CCDC172: variants seen among roughly 807,000 people sequenced by gnomAD.
CCDC172 encodes coiled-coil domain containing 172.
CCDC172 carries 30 observed loss-of-function variants against 38.0 expected under a neutral mutation model. That is an observed-to-expected ratio of 0.79 (90% CI 0.59 to 1.07). The LOEUF (loss-of-function observed/expected upper bound fraction) is 1.07. Ranked by LOEUF, CCDC172 falls within the 50% of genes least tolerant of loss-of-function variation. The probability of loss-of-function intolerance (pLI) is 0.00; values close to 1 mark genes in which losing one functional copy is unlikely to be tolerated. For missense variants in CCDC172, 297 were observed against 290.1 expected, an observed-to-expected ratio of 1.02 and a Z score of -0.17; for synonymous variants, 78 against 88.3, an observed-to-expected ratio of 0.88 and a Z score of 0.66.
chr10:116,363,795 G>A (rs994149000), intron 7 of CCDC172, among the ~76,000 whole-genome samples: 1 of 151,916 alleles, frequency 6.6e-6, no homozygotes, highest in African/African-American at 2.4e-5. Context: ...AAATTAGCTG[G>A]GGGTGGATGC....
chr10:116,364,853 G>C (rs151297160), intron 7 of CCDC172, among the ~76,000 whole-genome samples: 222 of 152,272 alleles, frequency 1.5e-3, no homozygotes, highest in African/African-American at 5.0e-3. Flanking sequence ...GTACAATTCT[G>C]TAGCTAAAAT....
intron 7 of CCDC172, among the ~76,000 whole-genome samples, chr10:116,366,159 A>C (rs1399826356): frequency 6.6e-6 from 1 of 152,180 alleles, no homozygotes. Context: ...ATACTAATAT[A>C]ATGAGCACCT....
At chr10:116,364,400 G>T (rs1845098956) in intron 7 of CCDC172, among the ~76,000 whole-genome samples, 1 of 152,018 alleles carries the variant, frequency 6.6e-6, no homozygotes. Context: ...ATTATTATAA[G>T]CATCTTAAAA....
intron 7 of CCDC172, among the ~76,000 whole-genome samples, chr10:116,369,754 C>G (rs1237643820): frequency 6.6e-6 from 1 of 151,918 alleles, no homozygotes; most frequent in Non-Finnish European, 1.5e-5. Flanking sequence ...AGGGAAAATG[C>G]AAATGTAGTT....
chr10:116,346,465 G>A (rs184293000), intron 5 of CCDC172, among the ~76,000 whole-genome samples: 2 of 152,116 alleles, frequency 1.3e-5, no homozygotes, highest in East Asian at 3.9e-4. Flanking sequence ...TAAAGCCATG[G>A]CAAGCAGATC....
chr10:116,348,249 T>C (rs1190310885), intron 5 of CCDC172, among the ~76,000 whole-genome samples: 1 of 152,146 alleles, frequency 6.6e-6, no homozygotes, highest in East Asian at 1.9e-4. Flanking sequence ...GCTGTTGACT[T>C]CCCAGAGCAG....
intron 8 of CCDC172, among the ~76,000 whole-genome samples, chr10:116,378,835 T>G (rs922315003): frequency 2.0e-5 from 3 of 152,194 alleles, no homozygotes; most frequent in Non-Finnish European, 4.4e-5. Context: ...CTGAAGGAAA[T>G]TTAACTATCA....
intron 7 of CCDC172, among the ~76,000 whole-genome samples, chr10:116,361,351 T>A (rs1172752764): frequency 1.3e-5 from 2 of 152,184 alleles, no homozygotes; most frequent in Non-Finnish European, 2.9e-5. Flanking sequence ...TGATTTTTTT[T>A]ATTTACTCCA....
At chr10:116,360,436 G>A (rs998286188) in intron 7 of CCDC172, among the ~76,000 whole-genome samples, 7 of 152,102 alleles carry the variant, frequency 4.6e-5, no homozygotes, top group Admixed American at 6.5e-5. Context: ...TTTTCACTAC[G>A]AAAAGATTAA....
intron 3 of CCDC172, among the ~76,000 whole-genome samples, chr10:116,327,907 C>T (rs1336502896): frequency 1.3e-5 from 2 of 151,988 alleles, no homozygotes; most frequent in Non-Finnish European, 2.9e-5. Context: ...TATATGTCTG[C>T]CAATAACAAT....
intron 5 of CCDC172, among the ~76,000 whole-genome samples, chr10:116,352,914 C>A (rs568934940): frequency 6.6e-6 from 1 of 152,200 alleles, no homozygotes; most frequent in South Asian, 2.1e-4. Flanking sequence ...ATAAACAAGG[C>A]CGGGCACAGT....
At chr10:116,343,535 A>ATT (rs1565715174) in intron 5 of CCDC172, among the ~76,000 whole-genome samples, 27 of 143,558 alleles carry the variant, frequency 1.9e-4, no homozygotes, top group Middle Eastern at 3.5e-3. Flanking sequence ...TTTTTTTTAA[A>ATT]AAAATATATA....
chr10:116,336,308 C>T (rs4582884), intron 3 of CCDC172, among the ~76,000 whole-genome samples: 13,857 of 148,070 alleles, frequency 0.094, 887 homozygotes, highest in East Asian at 0.22. Flanking sequence ...ATGATACATA[C>T]GTAATAATAA....
chr10:116,378,054 G>A (rs1254268677), intron 7 of CCDC172, among the ~76,000 whole-genome samples: 5 of 152,058 alleles, frequency 3.3e-5, no homozygotes, highest in African/African-American at 7.2e-5. Context: ...GGTGGCAGCC[G>A]CCTGTAATCC....
intron 7 of CCDC172, among the ~76,000 whole-genome samples, chr10:116,364,590 A>G (rs1589957939): frequency 1.3e-5 from 2 of 152,220 alleles, no homozygotes; most frequent in African/African-American, 4.8e-5. Flanking sequence ...TGTAACCACT[A>G]GAATTACTAC....
intron 5 of CCDC172, among the ~76,000 whole-genome samples, chr10:116,348,658 G>T (rs1389798267): frequency 1.3e-5 from 2 of 151,852 alleles, no homozygotes; most frequent in Non-Finnish European, 2.9e-5. Context: ...AGCCTCTTAG[G>T]TTATGTTCTG....
At chr10:116,332,204 G>T (rs561062889) in intron 3 of CCDC172, among the ~76,000 whole-genome samples, 51 of 152,134 alleles carry the variant, frequency 3.4e-4, no homozygotes, top group African/African-American at 1.2e-3. Flanking sequence ...TTTGTTTCTT[G>T]CATGAAGATT....
At chr10:116,347,036 A>G (rs1046552971) in intron 5 of CCDC172, among the ~76,000 whole-genome samples, 4 of 152,186 alleles carry the variant, frequency 2.6e-5, no homozygotes, top group African/African-American at 7.2e-5. Flanking sequence ...CTGAAGAATG[A>G]TACTGATTAG....
chr10:116,357,465 C>A lies in CCDC172; in HGVS notation c.534C>A (p.Leu178=), dbSNP rs146274660. The change falls in exon 6 of 9, where the codon CTC becomes CTA. Residue 178 remains leucine, a synonymous_variant. Coordinates refer to ENST00000333254, the MANE Select transcript of CCDC172 (RefSeq NM_198515.3). ...KSELIQELFT[L]QRKLKVFEDE... Reference sequence around the variant, plus strand: ...AATTGATACAAGAATTATTTACTCTCCAAAGAAAACTTAAAGGTATTACCT... The same window carrying A: ...AATTGATACAAGAATTATTTACTCTACAAAGAAAACTTAAAGGTATTACCT... 2 of 1,566,570 alleles carry A rather than the reference C, an allele frequency of 1.3e-6. No homozygotes were observed. Among genetic ancestry groups the A allele is most frequent in the East Asian group, 2.4e-5 (1 of 42,472 alleles).
Sources: allele counts gnomAD v4.1 joint callset (sites outside exome capture counted in the v4.1 genomes callset), GRCh38; gene constraint gnomAD v4.1.1; transcripts MANE v1.5; gene names NCBI Gene and HGNC (gene_info 2026-07-23, HGNC 2026-07-21).